MSI2: variants seen among roughly 807,000 people sequenced by gnomAD.
MSI2 encodes the protein musashi RNA binding protein 2, also known as RNA-binding protein Musashi homolog 2.
MSI2 carries 17 observed loss-of-function variants against 45.6 expected under a neutral mutation model. The observed-to-expected ratio is 0.37, with a 90% CI of 0.26 to 0.56. MSI2 has a LOEUF of 0.56. Ranked by LOEUF, MSI2 falls within the 20% of genes least tolerant of loss-of-function variation. The pLI, the probability that MSI2 is intolerant of heterozygous loss-of-function variation, is 0.77. For synonymous variants in MSI2, 156 were observed against 158.2 expected, an observed-to-expected ratio of 0.99 and a Z score of 0.11; for missense variants, 293 against 444.2, an observed-to-expected ratio of 0.66 and a Z score of 3.06.
intron 5 of MSI2, among the ~76,000 whole-genome samples, chr17:57,376,025 A>G (rs922786663): frequency 1.3e-5 from 2 of 152,014 alleles, no homozygotes; most frequent in African/African-American, 4.8e-5. Flanking sequence ...CTGAGAGAAG[A>G]TTTCTCGCTT....
chr17:57,588,084 A>AAG (rs1360284809), intron 7 of MSI2, among the ~76,000 whole-genome samples: 1 of 152,144 alleles, frequency 6.6e-6, no homozygotes, highest in Admixed American at 6.5e-5. Context: ...AGGGACCCCA[A>AAG]AGAGAGGCTG....
At chr17:57,261,156 C>T (rs961343652) in intron 4 of MSI2, among the ~76,000 whole-genome samples, 14 of 152,276 alleles carry the variant, frequency 9.2e-5, no homozygotes, top group Admixed American at 7.8e-4. Flanking sequence ...TCACTTTTTT[C>T]CTCCCTCACA....
chr17:57,405,132 G>A (rs2084059272), intron 6 of MSI2, among the ~76,000 whole-genome samples: 1 of 152,148 alleles, frequency 6.6e-6, no homozygotes, highest in South Asian at 2.1e-4. Flanking sequence ...ACAGTGGACT[G>A]ACCTCCCTGG....
chr17:57,270,788 C>T (rs1263553127), intron 5 of MSI2, among the ~76,000 whole-genome samples: 8 of 152,148 alleles, frequency 5.3e-5, no homozygotes, highest in Non-Finnish European at 1.2e-4. Context: ...AATGTCCCTG[C>T]CCCCATCATC....
chr17:57,635,651 A>G (rs1567951584), intron 10 of MSI2, among the ~76,000 whole-genome samples: 1 of 152,114 alleles, frequency 6.6e-6, no homozygotes, highest in African/African-American at 2.4e-5. Context: ...CGGCAGGGGC[A>G]GCACAGCTCC....
intron 5 of MSI2, among the ~76,000 whole-genome samples, chr17:57,286,316 A>C (rs975994307): frequency 6.6e-6 from 1 of 152,074 alleles, no homozygotes; most frequent in Non-Finnish European, 1.5e-5. Context: ...GATTTTTAAA[A>C]AAATGTTTTT....
chr17:57,626,987 T>C, intron 9 of MSI2: 1 of 587,334 alleles, frequency 1.7e-6, no homozygotes, highest in Non-Finnish European at 3.0e-6. Context: ...TTCAGGAAAG[T>C]ACATGGGCTT....
chr17:57,580,991 A>C (rs990222503), intron 7 of MSI2, among the ~76,000 whole-genome samples: 1 of 132,136 alleles, frequency 7.6e-6, no homozygotes, highest in South Asian at 2.5e-4. Context: ...TGCCAGCCCC[A>C]TGAGGTCAGC....
At chr17:57,645,966 A>G (rs1264688070) in intron 10 of MSI2, among the ~76,000 whole-genome samples, 2 of 152,066 alleles carry the variant, frequency 1.3e-5, no homozygotes, top group African/African-American at 4.8e-5. Context: ...ATGTGCCCCC[A>G]CTGGGGTGGA....
chr17:57,620,786 G>A (rs917514513), intron 9 of MSI2, among the ~76,000 whole-genome samples: 2 of 152,222 alleles, frequency 1.3e-5, no homozygotes, highest in East Asian at 3.8e-4. Context: ...TATGCACTGA[G>A]CAGGGTCTCC....
intron 4 of MSI2, among the ~76,000 whole-genome samples, chr17:57,260,538 A>C (rs1296552548): frequency 1.3e-5 from 2 of 152,066 alleles, no homozygotes; most frequent in Non-Finnish European, 2.9e-5. Context: ...ATAAAAAGAC[A>C]CCTCTGTCTT....
rs535577214 is a variant in MSI2 at position 57,389,351 on chromosome 17, C to T, written c.313-12028C>T. 8.5e-5 allele frequency among the ~76,000 whole-genome samples: 13 copies of T among 152,312 alleles called. No homozygotes were observed. In the South Asian group the frequency reaches 2.7e-3, roughly 32 times the overall value. On this transcript the variant is annotated intron_variant, in intron 5 of 13. Transcript: ENST00000284073. The stretch of plus-strand genomic sequence containing the variant: ...AAACCCCACAGAGATTCAGCCTTCC[C>T]GTTGGGCCTGGCCTATCCTCCTTGC...
At position 57,627,269 on chromosome 17, in the gene MSI2, C is replaced by T. The variant is rs1054595500; in HGVS notation, c.693C>T (p.Pro231=). ...NFVATYGRGY[P]GFAPSYGYQF... The stretch of plus-strand genomic sequence containing the variant: ...TGGCGACCTATGGCCGTGGCTACCC[C>T]GGATTTGCTCCAAGCTATGGCTATC... The change falls in exon 10 of 14, where the codon CCC becomes CCT. Residue 231 remains proline (P), a synonymous_variant. Coordinates refer to ENST00000284073, the MANE Select transcript of MSI2 (RefSeq NM_138962.4). This position sits in a 1 kb window ranked among gnomAD's most constrained non-coding sequence, Gnocchi z 4.6. The T allele has an allele frequency of 9.3e-6, 15 of 1,614,196 alleles. No individual in the cohort carries two copies. The highest frequency in any genetic ancestry group is 3.3e-5 in the South Asian group (3 of 91,080).
intron 7 of MSI2, among the ~76,000 whole-genome samples, chr17:57,580,473 C>G (rs2088171342): frequency 6.6e-6 from 1 of 152,230 alleles, no homozygotes; most frequent in Non-Finnish European, 1.5e-5. Flanking sequence ...AGGCCTGGCC[C>G]CTTCCTTCCA....
At chr17:57,604,678 G>A (rs1004229953) in intron 8 of MSI2, among the ~76,000 whole-genome samples, 2 of 152,210 alleles carry the variant, frequency 1.3e-5, no homozygotes, top group Non-Finnish European at 2.9e-5. Context: ...TCAGCCCAGG[G>A]CATACCTGGG....
At position 57,583,488 on chromosome 17, in the gene MSI2, C is replaced by CTTTTTTTTTTTTTTTTTTTTTTTTTT. The variant is rs5821192; in HGVS notation, c.455-13361_455-13360insTTTTTTTTTTTTTTTTTTTTTTTTTT. ...TACTTTTTTCCTTCTCCCAATGTTT[C>CTTTTTTTTTTTTTTTTTTTTTTTTTT]TTTTTTTTTTTTTTTTTTTGAGACA... On this transcript the variant is annotated intron_variant, in intron 7 of 13. Transcript: ENST00000284073. Among the ~76,000 whole-genome samples the CTTTTTTTTTTTTTTTTTTTTTTTTTT allele has an allele frequency of 6.2e-4, 61 of 98,024 alleles. 1 individual carries two copies. Among genetic ancestry groups the CTTTTTTTTTTTTTTTTTTTTTTTTTT allele is most frequent in the East Asian group, 2.1e-3 (6 of 2,838 alleles). The allele number at this position is 98,024 out of a possible 152,430, so 64.3% of individuals were successfully genotyped here. A position where few individuals can be genotyped will look rare whatever the true frequency, so the allele number is the denominator to read the frequency against.
At chr17:57,262,470 C>G (rs144389437) in intron 5 of MSI2, 83 of 377,302 alleles carry the variant, frequency 2.2e-4, no homozygotes, top group African/African-American at 1.5e-3. Context: ...TGCAAGGATT[C>G]TATTTGTTTT....
rs1344636669 is a variant in MSI2 at position 57,556,586 on chromosome 17, G to A, written c.454+26862G>A. Among the ~76,000 whole-genome samples, 3 of 152,170 alleles carry A rather than the reference G, an allele frequency of 2.0e-5. No individual in the cohort carries two copies. The East Asian group carries it at 5.8e-4, about 29-fold the overall frequency. On this transcript the variant is annotated intron_variant, in intron 7 of 13. Coordinates refer to ENST00000284073, the MANE Select transcript of MSI2 (RefSeq NM_138962.4). ...TGTCACTGGACTCAGAGCCCATGTG[G>A]GCTCCTGAGGCAAGCTCATAGGATT...
chr17:57,474,088 C>G (rs1387131629), intron 6 of MSI2, among the ~76,000 whole-genome samples: 1 of 152,114 alleles, frequency 6.6e-6, no homozygotes, highest in Non-Finnish European at 1.5e-5. Context: ...GATATAGGAA[C>G]TCTCACGCGA....
Sources: gnomAD v4.1 joint callset for allele counts (sites outside exome capture counted in the v4.1 genomes callset) on GRCh38, gnomAD v4.1.1 for gene constraint, Gnocchi (gnomAD v3.1) non-coding constraint, MANE v1.5 for transcripts, NCBI Gene and HGNC (gene_info 2026-07-23, HGNC 2026-07-21) for gene names.